Variants in ARFGEF2 observed in about 807,000 individuals in gnomAD.
ARFGEF2 encodes the protein ARF guanine nucleotide exchange factor 2, also known as brefeldin A-inhibited guanine nucleotide-exchange protein 2.
Under a neutral mutation model 219.9 loss-of-function variants are expected in ARFGEF2, and 74 were observed. The observed-to-expected ratio is 0.34, with a 90% CI of 0.28 to 0.41. ARFGEF2 has a LOEUF of 0.41. Ranked by LOEUF, ARFGEF2 falls within the 10% of genes least tolerant of loss-of-function variation. The pLI, the probability that ARFGEF2 is intolerant of heterozygous loss-of-function variation, is 1.00. For missense variants in ARFGEF2, 1,743 were observed against 2,218.3 expected (o/e 0.79, Z 4.30); for synonymous variants, 733 against 799.2 (o/e 0.92, Z 1.40).
intron 1 of ARFGEF2, among the ~76,000 whole-genome samples, chr20:48,937,705 A>G (rs1280425708): frequency 6.6e-6 from 1 of 152,250 alleles, no homozygotes; most frequent in East Asian, 1.9e-4. Context: ...TTACTCTTCC[A>G]GGTAGCAACT....
chr20:49,016,171 A>G (rs1050419172), intron 30 of ARFGEF2, 109 bp from the exon 31 acceptor site: 1 of 1,120,374 alleles, frequency 8.9e-7, no homozygotes, highest in East Asian at 2.5e-5. Context: ...CGTATTCTTG[A>G]TACATATCAC....
In ARFGEF2 at chr20:48,984,134, A is replaced by C. The variant is rs369941485; in HGVS notation, c.1959-595A>C. On this transcript the variant is annotated intron_variant, in intron 14 of 38. Coordinates refer to ENST00000371917, the MANE Select transcript of ARFGEF2 (RefSeq NM_006420.3). ...CTCTCAAGGAAATCCAAAAGTGGAC[A>C]GTCTAAGGCTGCTACGGTGGCCCTT... Among the ~76,000 whole-genome samples, 8 of 152,324 alleles carry C rather than the reference A, an allele frequency of 5.3e-5. 1 individual carries two copies. The highest frequency in any genetic ancestry group is 3.9e-4 in the East Asian group (2 of 5,192).
intron 7 of ARFGEF2, among the ~76,000 whole-genome samples, chr20:48,964,898 T>C (rs1049639827): frequency 3.9e-5 from 6 of 152,174 alleles, no homozygotes; most frequent in Admixed American, 6.5e-5. Flanking sequence ...GTATCACATA[T>C]AATGTTAAGT....
intron 3 of ARFGEF2, among the ~76,000 whole-genome samples, chr20:48,943,081 C>G (rs1181684558): frequency 6.6e-6 from 1 of 152,142 alleles, no homozygotes; most frequent in African/African-American, 2.4e-5. Context: ...CCATTGTAAA[C>G]AGCAAAATCA....
chr20:48,963,992 G>C (rs554775131), intron 7 of ARFGEF2, 94 bp downstream of exon 7: 1 of 1,165,802 alleles, frequency 8.6e-7, no homozygotes, highest in Admixed American at 2.0e-5. Context: ...CCTCTTCCCT[G>C]CCCTAAGAAC....
At chr20:48,934,142 AAAG>A (rs2090932019) in intron 1 of ARFGEF2, among the ~76,000 whole-genome samples, 1 of 151,122 alleles carries the variant, frequency 6.6e-6, no homozygotes, top group Admixed American at 6.6e-5. Context: ...AAAAAAAAAA[AAAG>A]ATTCAGGGAA....
Position 48,964,190 on chromosome 20 carries a change from C to T in ARFGEF2, c.907+292C>T, listed in dbSNP as rs62212425. ...TTGGGAGGCCAAGGCGGGCGGTTCA[C>T]GAGGTCAGGAGTTCAAGACCAGCCC... is the stretch of plus-strand genomic sequence containing the variant. On this transcript the variant is annotated intron_variant, in intron 7 of 38. Transcript: ENST00000371917. 8.7e-3 allele frequency among the ~76,000 whole-genome samples: 1,331 copies of T among 152,248 alleles called. 12 individuals are homozygous for T. Among genetic ancestry groups the T allele is most frequent in the Admixed American group, 0.012 (187 of 15,278 alleles).
At chr20:49,025,965 G>A (rs2091599300) in intron 36 of ARFGEF2, among the ~76,000 whole-genome samples, 1 of 148,110 alleles carries the variant, frequency 6.8e-6, no homozygotes. Flanking sequence ...CTGAGTGACA[G>A]AGCAAGACTC....
chr20:49,020,043 A>G (rs1335534254), intron 34 of ARFGEF2, among the ~76,000 whole-genome samples: 1 of 152,182 alleles, frequency 6.6e-6, no homozygotes, highest in Non-Finnish European at 1.5e-5. Context: ...GTAGCCTTTG[A>G]AGAGGTACTG....
intron 1 of ARFGEF2, among the ~76,000 whole-genome samples, chr20:48,936,263 C>T (rs1262482183): frequency 6.7e-6 from 1 of 148,294 alleles, no homozygotes; most frequent in African/African-American, 2.5e-5. Flanking sequence ...GACCCCCCCA[C>T]CCCTGCCGGA....
intron 1 of ARFGEF2, among the ~76,000 whole-genome samples, chr20:48,936,196 G>C (rs1395974507): frequency 1.0e-4 from 15 of 144,230 alleles, no homozygotes; most frequent in African/African-American, 3.9e-4. Flanking sequence ...CAGTAGGGGC[G>C]GCCGGGCAGA....
chr20:49,013,636 C>A lies in ARFGEF2; in HGVS notation c.3991C>A (p.Pro1331Thr). 6.2e-7 allele frequency: 1 copy of A among 1,614,128 alleles called. No individual in the cohort carries two copies. Among genetic ancestry groups the A allele is most frequent in the Non-Finnish European group, 8.5e-7 (1 of 1,180,012 alleles). The change falls in exon 29 of 39, where the codon CCC (proline) becomes ACC (threonine). Residue 1331 changes from proline to threonine, a missense_variant. Pro to Thr is a conservative substitution (Grantham distance 38). Coordinates refer to ENST00000371917, the MANE Select transcript of ARFGEF2 (RefSeq NM_006420.3). The stretch of plus-strand genomic sequence containing the variant: ...CAGAGTCTGGGTCCGAGGCTGGTTC[C>A]CCATCTTATTCGAACTCTCCTGCAT... Reference protein sequence around the residue: ...GDRVWVRGWFPILFELSCIIN... With the variant: ...GDRVWVRGWFTILFELSCIIN...
At chr20:48,932,417 T>C (rs1359147195) in intron 1 of ARFGEF2, among the ~76,000 whole-genome samples, 10 of 152,148 alleles carry the variant, frequency 6.6e-5, no homozygotes. Flanking sequence ...ACCAAATTAC[T>C]GGGCAGCATT....
chr20:49,032,593 A>G (rs149040798), intron 38 of ARFGEF2, among the ~76,000 whole-genome samples: 2,872 of 151,340 alleles, frequency 0.019, 48 homozygotes, highest in Middle Eastern at 0.041. Flanking sequence ...GGTTTCTTCA[A>G]CTTCTTTTTT....
rs769242810 is a variant in ARFGEF2, at chr20:48,994,415, G to A, written c.2974-36G>A. 4 of 1,612,630 alleles carry A rather than the reference G, an allele frequency of 2.5e-6. No homozygotes were observed. The African/African-American group carries it at 5.3e-5, about 22-fold the overall frequency. ...ACAGTGCCCTTTTTCTAGCTGTAAG[G>A]TAGGAACTCATTTCTTCATGCCTTC... On this transcript the variant is annotated intron_variant, in intron 21 of 38. Transcript: ENST00000371917.
At chr20:48,973,350 C>A in intron 12 of ARFGEF2, 66 bp downstream of exon 12, 1 of 1,528,878 alleles carries the variant, frequency 6.5e-7, no homozygotes, top group Non-Finnish European at 9.0e-7. Flanking sequence ...TTATTGAGTG[C>A]CACCACATGC....
intron 25 of ARFGEF2, among the ~76,000 whole-genome samples, chr20:49,000,116 C>T (rs2091416579): frequency 6.6e-6 from 1 of 152,184 alleles, no homozygotes; most frequent in Non-Finnish European, 1.5e-5. Flanking sequence ...GAGATGGGCA[C>T]CTCATTACCT....
chr20:49,032,238 T>A, intron 38 of ARFGEF2, 72 bp downstream of exon 38: 1 of 1,047,724 alleles, frequency 9.5e-7, no homozygotes, highest in Non-Finnish European at 1.5e-6. Context: ...CTCAAGAGTT[T>A]GCAGTAACTA....
At chr20:48,971,900 C>G (rs1568713720) in intron 10 of ARFGEF2, among the ~76,000 whole-genome samples, 1 of 144,776 alleles carries the variant, frequency 6.9e-6, no homozygotes, top group Non-Finnish European at 1.5e-5. Context: ...GACTCCATCT[C>G]AAAAAAAAAA....
Sources: allele counts gnomAD v4.1 joint callset (sites outside exome capture counted in the v4.1 genomes callset), GRCh38; gene constraint gnomAD v4.1.1; transcripts MANE v1.5; gene names NCBI Gene and HGNC (gene_info 2026-07-23, HGNC 2026-07-21).